Variants in PHEX observed in about 807,000 individuals in gnomAD.
PHEX encodes phosphate-regulating neutral endopeptidase PHEX.
PHEX carries 16 observed loss-of-function variants against 68.0 expected under a neutral mutation model. The ratio of observed to expected loss-of-function variants is 0.24; its 90% CI spans 0.16 to 0.36. The LOEUF is 0.36. Among genes scored for constraint, PHEX ranks in the 10% least tolerant of loss-of-function variants. PHEX has a pLI of 1.00. For missense variants in PHEX, 480 were observed against 575.5 expected (o/e 0.83, Z 1.70); for synonymous variants, 208 against 205.1 (o/e 1.01, Z -0.12).
In PHEX at chrX:22,182,963, C is replaced by G. The variant is rs1268078088; in HGVS notation, c.1586+4587C>G. ...CTCCCCCTTGATGAATTCCCAGATT[C>G]CTAAAATGGTTATTTGTTGACAATG... On this transcript the variant is annotated intron_variant, in intron 14 of 21. Coordinates refer to ENST00000379374, the MANE Select transcript of PHEX (RefSeq NM_000444.6). Among the ~76,000 whole-genome samples the G allele has an allele frequency of 3.6e-5, 4 of 111,813 alleles. No homozygotes were observed. The Admixed American group carries it at 3.8e-4, about 11-fold the overall frequency.
At chrX:22,219,551 C>T (rs985758937) in intron 17 of PHEX, among the ~76,000 whole-genome samples, 1 of 112,051 alleles carries the variant, frequency 8.9e-6, no homozygotes, top group African/African-American at 3.2e-5. Context: ...TTCCCTTTTA[C>T]GATTTCGAAG....
Position 22,118,263 on chromosome X carries a change from C to T in PHEX, c.1302+3677C>T, listed in dbSNP as rs142205577. Among the ~76,000 whole-genome samples, 807 of 94,791 alleles carry T rather than the reference C, an allele frequency of 8.5e-3. 11 individuals are homozygous for T. The highest frequency in any genetic ancestry group is 0.032 in the African/African-American group (775 of 24,510). 82.3% of individuals were successfully genotyped at this position (94,791 alleles called of 115,157 possible). Reference sequence around the variant, plus strand: ...AATTTGCCTAACAAGGTTCCAGGTGCGACTGCTGCTGCTGGTCGTGGACCA... The same window carrying T: ...AATTTGCCTAACAAGGTTCCAGGTGTGACTGCTGCTGCTGGTCGTGGACCA... On this transcript the variant is annotated intron_variant, in intron 11 of 21. Coordinates refer to ENST00000379374, the MANE Select transcript of PHEX (RefSeq NM_000444.6).
At chrX:22,044,504 G>T (rs1034659136) in intron 2 of PHEX, among the ~76,000 whole-genome samples, 2 of 110,847 alleles carry the variant, frequency 1.8e-5, no homozygotes, top group Admixed American at 1.9e-4. Context: ...GAGATCAGGA[G>T]ATCGAGACCA....
chrX:22,181,052 T>C (rs758669796), intron 14 of PHEX, among the ~76,000 whole-genome samples: 19 of 112,325 alleles, frequency 1.7e-4, no homozygotes, highest in African/African-American at 5.8e-4. Context: ...TGAACAGTTC[T>C]ACAATAAACA....
chrX:22,159,589 T>A (rs186023621), intron 12 of PHEX, among the ~76,000 whole-genome samples: 1 of 112,438 alleles, frequency 8.9e-6, no homozygotes, highest in East Asian at 2.8e-4. Context: ...GAAAGTTGTA[T>A]GAGATTCAAA....
In PHEX at chrX:22,190,743, A is replaced by C. The variant is rs868765656; in HGVS notation, c.1645+241A>C. On this transcript the variant is annotated intron_variant, in intron 15 of 21. Coordinates refer to ENST00000379374, the MANE Select transcript of PHEX (RefSeq NM_000444.6). ...AAAGTCAACTACAGTAAACCAAATTAAACCATAATGAAGTTTGCCATGAAA... is the reference window on the plus strand; with the variant it reads ...AAAGTCAACTACAGTAAACCAAATTCAACCATAATGAAGTTTGCCATGAAA... 3.6e-5 allele frequency among the ~76,000 whole-genome samples: 4 copies of C among 111,524 alleles called. 1 individual carries two copies. The highest frequency in any genetic ancestry group is 1.3e-4 in the African/African-American group (4 of 30,668).
rs754820616 is a variant in PHEX, at chrX:22,063,975, G to T, written c.350-12413G>T. Among the ~76,000 whole-genome samples the T allele has an allele frequency of 3.6e-5, 4 of 112,375 alleles. No homozygotes were observed. In the South Asian group the frequency reaches 1.5e-3, roughly 41 times the overall value. On this transcript the variant is annotated intron_variant, in intron 3 of 21. Coordinates refer to ENST00000379374, the MANE Select transcript of PHEX (RefSeq NM_000444.6). ...GTGTCTTCCACAGCCTTACCAAAAT[G>T]AATACCATATTTCATCAAATCAAAA...
In PHEX at chrX:22,187,691, A is replaced by G. The variant is rs767700354; in HGVS notation, c.1587-2753A>G. Among the ~76,000 whole-genome samples the G allele has an allele frequency of 2.0e-3, 227 of 111,687 alleles. 1 individual carries two copies. Among genetic ancestry groups the G allele is most frequent in the Non-Finnish European group, 3.9e-3 (206 of 53,133 alleles). The stretch of plus-strand genomic sequence containing the variant: ...GGTCAATAGAGGTGCTTTCCCCTTC[A>G]CTTGTTTCCTCAGGAAAGTAGGCCA... On this transcript the variant is annotated intron_variant, in intron 14 of 21. Transcript: ENST00000379374.
intron 20 of PHEX, among the ~76,000 whole-genome samples, chrX:22,228,733 A>ACTTTACTTT (rs59284478): frequency 9.4e-6 from 1 of 106,718 alleles, no homozygotes; most frequent in Non-Finnish European, 2.0e-5. Context: ...ACTTTACTTT[A>ACTTTACTTT]AAAAAAAATT....
chrX:22,041,265 C>CTCTCTATATATATATATATATA (rs1468778300), intron 2 of PHEX, among the ~76,000 whole-genome samples: 1 of 72,825 alleles, frequency 1.4e-5, no homozygotes, highest in African/African-American at 6.3e-5. Context: ...CTCTCTCTCT[C>CTCTCTATATATATATATATATA]TATATATATA....
chrX:22,188,678 C>G (rs1457926045), intron 14 of PHEX, among the ~76,000 whole-genome samples: 2 of 111,966 alleles, frequency 1.8e-5, no homozygotes, highest in African/African-American at 6.5e-5. Flanking sequence ...TATTTTGATA[C>G]AGGCCTGCAA....
chrX:22,210,452 T>A (rs1934884027), intron 15 of PHEX, among the ~76,000 whole-genome samples: 1 of 112,254 alleles, frequency 8.9e-6, no homozygotes, highest in South Asian at 3.7e-4. Flanking sequence ...GATTTAATAA[T>A]GAAATCACAT....
intron 15 of PHEX, among the ~76,000 whole-genome samples, chrX:22,205,780 C>A (rs1934692766): frequency 9.1e-6 from 1 of 110,482 alleles, no homozygotes; most frequent in Non-Finnish European, 1.9e-5. Flanking sequence ...TTTTCTGAAC[C>A]ATACACTTAT....
chrX:22,162,228 C>A (rs1333185603), intron 12 of PHEX, among the ~76,000 whole-genome samples: 2 of 112,122 alleles, frequency 1.8e-5, no homozygotes, highest in Non-Finnish European at 3.8e-5. Context: ...TATGCAGAGT[C>A]TGGCTTTGCT....
chrX:22,077,731 G>T, intron 5 of PHEX, 29 bp downstream of exon 5: 1 of 1,100,830 alleles, frequency 9.1e-7, no homozygotes, highest in Non-Finnish European at 1.3e-6. Flanking sequence ...CATCTTCTTT[G>T]CTCAGTCCTA....
At chrX:22,039,001 C>T (rs749867801) in intron 2 of PHEX, among the ~76,000 whole-genome samples, 127 of 111,998 alleles carry the variant, frequency 1.1e-3, no homozygotes, top group African/African-American at 2.3e-3. Context: ...AAAATTGAGA[C>T]GGAGTCTTGC....
chrX:22,228,596 C>CTGTT, intron 20 of PHEX, among the ~76,000 whole-genome samples: 1 of 111,546 alleles, frequency 9.0e-6, no homozygotes, highest in South Asian at 3.8e-4. Flanking sequence ...TTTACTTTTC[C>CTGTT]TGTTTCTATC....
chrX:22,072,096 C>T (rs1178075527), intron 3 of PHEX, among the ~76,000 whole-genome samples: 5 of 112,670 alleles, frequency 4.4e-5, no homozygotes, highest in East Asian at 2.8e-4. Context: ...GGCATGGTGG[C>T]GCATGCCTGT....
rs748661365 is a variant in PHEX at position 22,151,084 on chromosome X, GTATTTTGGC to G, written c.1405-17224_1405-17216del. Among the ~76,000 whole-genome samples, 8 of 112,327 alleles carry G rather than the reference GTATTTTGGC, an allele frequency of 7.1e-5. No individual in the cohort carries two copies. In the East Asian group the frequency reaches 2.2e-3, roughly 31 times the overall value. ...GTTTTGTCTAAGGCGACAGAGGCTG[GTATTTTGGC>G]TATCTGAGAGGTAGAGAGCAGAGAG... is the stretch of plus-strand genomic sequence containing the variant. On this transcript the variant is annotated intron_variant, in intron 12 of 21. Transcript: ENST00000379374.
Sources: allele counts gnomAD v4.1 joint callset (sites outside exome capture counted in the v4.1 genomes callset), GRCh38; gene constraint gnomAD v4.1.1; transcripts MANE v1.5; gene names NCBI Gene and HGNC (gene_info 2026-07-23, HGNC 2026-07-21).